Variants in TCF20 observed in about 807,000 individuals in gnomAD.
TCF20 encodes the protein SPRE-binding protein.
Under a neutral mutation model 148.6 loss-of-function variants are expected in TCF20, and 3 were observed. That is an observed-to-expected ratio of 0.02 (90% CI 0.01 to 0.05). The LOEUF (loss-of-function observed/expected upper bound fraction) is 0.05. Among genes scored for constraint, TCF20 ranks in the 10% least tolerant of loss-of-function variants. The pLI is 1.00. For missense variants in TCF20, 2,350 were observed against 2,429.3 expected, an observed-to-expected ratio of 0.97 and a Z score of 0.69; for synonymous variants, 1,049 against 909.5, an observed-to-expected ratio of 1.15 and a Z score of -2.76.
intron 1 of TCF20, among the ~76,000 whole-genome samples, chr22:42,298,246 CA>C (rs1927270347): frequency 6.6e-6 from 1 of 152,154 alleles, no homozygotes; most frequent in Non-Finnish European, 1.5e-5. Flanking sequence ...TGAGATGGAG[CA>C]GGGGATGAGT....
intron 3 of TCF20, among the ~76,000 whole-genome samples, chr22:42,179,088 C>A (rs1217116538): frequency 6.7e-6 from 1 of 149,406 alleles, no homozygotes; most frequent in African/African-American, 2.5e-5. Context: ...CAGGGAGGAC[C>A]TGGGGAAAGG....
chr22:42,191,556 G>C (rs750885852), intron 2 of TCF20, among the ~76,000 whole-genome samples: 4 of 152,018 alleles, frequency 2.6e-5, no homozygotes, highest in East Asian at 3.9e-4. Context: ...CCCAAAGTGC[G>C]GGGATTACAG....
intron 1 of TCF20, among the ~76,000 whole-genome samples, chr22:42,329,882 G>A (rs1289136533): frequency 2.0e-5 from 3 of 152,286 alleles, no homozygotes; most frequent in Non-Finnish European, 4.4e-5. Context: ...AATGGCTGTG[G>A]GCTCAGTGGG....
rs74765231 is a variant in TCF20, at chr22:42,160,583, C to G, written c.*820G>C. 3.9e-3 allele frequency: 599 copies of G among 152,270 alleles called. No homozygotes were observed. Among genetic ancestry groups the G allele is most frequent in the Non-Finnish European group, 6.3e-3 (431 of 67,964 alleles). The allele number at this position is 152,270 out of a possible 1,614,324, so 9.4% of individuals were successfully genotyped here. On this transcript the variant is annotated 3_prime_UTR_variant, in exon 6 of 6. Transcript: ENST00000677622. ...TGAGGTCCTCACCAGCCACAGTGACCCAGGACACAGCTATGACCTCAGGCA... is the reference window on the plus strand; with the variant it reads ...TGAGGTCCTCACCAGCCACAGTGACGCAGGACACAGCTATGACCTCAGGCA...
At chr22:42,312,115 A>G (rs1927546940) in intron 1 of TCF20, among the ~76,000 whole-genome samples, 1 of 152,214 alleles carries the variant, frequency 6.6e-6, no homozygotes, top group African/African-American at 2.4e-5. Context: ...GGTATGTACT[A>G]TATGGCCAAC....
At chr22:42,284,547 T>C (rs997663825), upstream of TCF20, among the ~76,000 whole-genome samples, 1 of 152,188 alleles carries the variant, frequency 6.6e-6, no homozygotes, top group Non-Finnish European at 1.5e-5. Flanking sequence ...GCCAGCAAAG[T>C]GGCCCAGAGC....
At chr22:42,231,569 T>C (rs11914137) in intron 1 of TCF20, among the ~76,000 whole-genome samples, 3,286 of 152,192 alleles carry the variant, frequency 0.022, 132 homozygotes, top group African/African-American at 0.074. Flanking sequence ...GTATTTGTGG[T>C]TTAAGCTAAG....
chr22:42,187,639 G>A (rs181888125), intron 2 of TCF20, among the ~76,000 whole-genome samples: 136 of 152,280 alleles, frequency 8.9e-4, no homozygotes, highest in African/African-American at 3.2e-3. Context: ...TTTCCCTTCC[G>A]ATGTCTTTGT....
chr22:42,284,814 G>A (rs1398348037), upstream of TCF20, among the ~76,000 whole-genome samples: 2 of 152,216 alleles, frequency 1.3e-5, no homozygotes, highest in Non-Finnish European at 2.9e-5. Context: ...CAGCACAGGC[G>A]CTTCACACCC....
intron 1 of TCF20, among the ~76,000 whole-genome samples, chr22:42,291,044 C>T (rs140273388): frequency 1.4e-3 from 207 of 152,196 alleles, no homozygotes; most frequent in Middle Eastern, 3.4e-3. Context: ...CTGCCAGGAT[C>T]GGAACCTAGG....
At chr22:42,217,624 C>T (rs1402409865) in intron 1 of TCF20, among the ~76,000 whole-genome samples, 2 of 152,160 alleles carry the variant, frequency 1.3e-5, no homozygotes, top group Admixed American at 6.5e-5. Context: ...GAGAACTAGG[C>T]TAGAACTCAC....
chr22:42,222,992 CA>C (rs1252555970), intron 1 of TCF20, among the ~76,000 whole-genome samples: 1 of 152,082 alleles, frequency 6.6e-6, no homozygotes, highest in African/African-American at 2.4e-5. Flanking sequence ...ACAAAAAATA[CA>C]AAAGAATTAG....
upstream of TCF20, among the ~76,000 whole-genome samples, chr22:42,285,934 T>G (rs949245480): frequency 5.9e-5 from 9 of 152,200 alleles, no homozygotes; most frequent in Non-Finnish European, 8.8e-5. This position sits in a 1 kb window ranked among gnomAD's most constrained non-coding sequence, Gnocchi z 4.2. Context: ...TGCCACTTTC[T>G]ATGCTTTTCC....
chr22:42,323,934 GGTGGTGGT>G (rs1458070207), intron 1 of TCF20, among the ~76,000 whole-genome samples: 8 of 129,668 alleles, frequency 6.2e-5, no homozygotes, highest in African/African-American at 2.0e-4. Flanking sequence ...TTATGGTGGT[GGTGGTGGT>G]GATGGAGGTT....
In TCF20 at chr22:42,260,537, A is replaced by T. The variant is rs6002666; in HGVS notation, c.-37+9802T>A. ...ATGAGAGGGAACAAATTCATGAGAG[A>T]TACATATATGTATATGGTTTTTGTG... On this transcript the variant is annotated intron_variant, in intron 1 of 5. Coordinates refer to ENST00000677622, the MANE Select transcript of TCF20 (RefSeq NM_001378418.1). 4.5e-4 allele frequency among the ~76,000 whole-genome samples: 68 copies of T among 152,318 alleles called. 1 individual carries two copies. Among genetic ancestry groups the T allele is most frequent in the African/African-American group, 1.6e-3 (68 of 41,556 alleles).
intron 1 of TCF20, among the ~76,000 whole-genome samples, chr22:42,313,904 G>A (rs1219221331): frequency 6.6e-6 from 1 of 152,158 alleles, no homozygotes; most frequent in Non-Finnish European, 1.5e-5. Flanking sequence ...CGGGCCAACA[G>A]AATTCCCCGC....
intron 1 of TCF20, among the ~76,000 whole-genome samples, chr22:42,328,711 A>C (rs1404614079): frequency 6.6e-6 from 1 of 152,202 alleles, no homozygotes; most frequent in Non-Finnish European, 1.5e-5. Context: ...GAAATGCTTA[A>C]TCTAGGTGCT....
chr22:42,190,866 G>C (rs1209434217), intron 2 of TCF20, among the ~76,000 whole-genome samples: 1 of 152,150 alleles, frequency 6.6e-6, no homozygotes, highest in Non-Finnish European at 1.5e-5. Flanking sequence ...AAAAAAGAAA[G>C]TTCGTAATTA....
upstream of TCF20, among the ~76,000 whole-genome samples, chr22:42,271,552 T>C (rs570399013): frequency 4.6e-5 from 7 of 152,194 alleles, no homozygotes; most frequent in African/African-American, 7.2e-5. Flanking sequence ...CCCACGGCCA[T>C]CAAAAGTGAC....
Sources: allele counts gnomAD v4.1 joint callset (sites outside exome capture counted in the v4.1 genomes callset), GRCh38; gene constraint gnomAD v4.1.1; non-coding constraint Gnocchi (gnomAD v3.1); transcripts MANE v1.5; gene names NCBI Gene and HGNC (gene_info 2026-07-23, HGNC 2026-07-21).